LINGO2: variants seen among roughly 807,000 people sequenced by gnomAD.
The protein encoded by LINGO2 is leucine-rich repeat and immunoglobulin-like domain-containing nogo receptor-interacting protein 2.
A neutral mutation model predicts 30.6 loss-of-function variants in LINGO2; 14 were observed. That is an observed-to-expected ratio of 0.46 (90% CI 0.30 to 0.72). The LOEUF is 0.72. Among genes scored for constraint, LINGO2 ranks in the 30% least tolerant of loss-of-function variants. LINGO2 has a pLI of 0.07. For synonymous variants in LINGO2, 317 were observed against 288.5 expected (o/e 1.10, Z -1.00); for missense variants, 729 against 751.7 (o/e 0.97, Z 0.35).
chr9:29,001,395 T>C, the LINGO2 span, among the ~76,000 whole-genome samples: 1 of 152,024 alleles, frequency 6.6e-6, no homozygotes, highest in Non-Finnish European at 1.5e-5. Flanking sequence ...TTTTTAAGCA[T>C]ATGCTACTCC....
chr9:28,407,643 T>C (rs1048668156), intron 2 of LINGO2, among the ~76,000 whole-genome samples: 4 of 152,080 alleles, frequency 2.6e-5, no homozygotes. Flanking sequence ...GCAAAACAAG[T>C]GTGAAAGTAT....
At chr9:29,210,716 C>T in the LINGO2 span, among the ~76,000 whole-genome samples, 3 of 152,136 alleles carry the variant, frequency 2.0e-5, no homozygotes, top group Non-Finnish European at 4.4e-5. Context: ...AAAATATTAA[C>T]ATATATGTAC....
intron 3 of LINGO2, among the ~76,000 whole-genome samples, chr9:28,365,419 G>A (rs1386645574): frequency 6.6e-6 from 1 of 152,190 alleles, no homozygotes; most frequent in African/African-American, 2.4e-5. Context: ...CTGGATCTGT[G>A]CTGCAGAGGC....
At chr9:28,323,339 C>T (rs1309157454) in intron 3 of LINGO2, among the ~76,000 whole-genome samples, 1 of 152,142 alleles carries the variant, frequency 6.6e-6, no homozygotes, top group Non-Finnish European at 1.5e-5. Flanking sequence ...GTGGCTCACG[C>T]CTGTAATCCC....
At chr9:28,180,593 T>C (rs1174810884) in intron 4 of LINGO2, among the ~76,000 whole-genome samples, 1 of 152,164 alleles carries the variant, frequency 6.6e-6, no homozygotes, top group Non-Finnish European at 1.5e-5. Flanking sequence ...CACTTTATCC[T>C]CACTCAGGGA....
intron 2 of LINGO2, among the ~76,000 whole-genome samples, chr9:28,423,889 T>C (rs1210592036): frequency 6.6e-6 from 1 of 152,134 alleles, no homozygotes; most frequent in South Asian, 2.1e-4. Flanking sequence ...TTAAATGTGG[T>C]CTTCCAATAA....
chr9:28,147,294 C>T lies in LINGO2; in HGVS notation c.-86-134889G>A, dbSNP rs1465630062. Among the ~76,000 whole-genome samples, 2 of 152,206 alleles carry T rather than the reference C, an allele frequency of 1.3e-5. No homozygotes were observed. The highest frequency in any genetic ancestry group is 1.3e-4 in the Admixed American group (2 of 15,278). On this transcript the variant is annotated intron_variant, in intron 4 of 5. Coordinates refer to ENST00000379992, the Ensembl canonical transcript of LINGO2. The surrounding 1 kb of genome is among the most constrained non-coding windows in gnomAD (Gnocchi z 4.7). The stretch of plus-strand genomic sequence containing the variant: ...CGCACAGCCTGGGTTCAAAGCCTGG[C>T]TGGGCCATGACCACCTGAATGACCT...
chr9:27,949,499 C>T (rs1488749921), exon 6 of LINGO2: 3 of 1,614,078 alleles, frequency 1.9e-6, no homozygotes, highest in Non-Finnish European at 2.5e-6. Context: ...CCTTGAAAGA[C>T]CTCTCACGGA....
chr9:28,852,467 G>A, the LINGO2 span, among the ~76,000 whole-genome samples: 1 of 133,238 alleles, frequency 7.5e-6, no homozygotes, highest in African/African-American at 2.5e-5. Context: ...TTATGGTTCA[G>A]TTAAGAGTGG....
intron 3 of LINGO2, among the ~76,000 whole-genome samples, chr9:28,364,304 T>C (rs1385428647): frequency 6.6e-6 from 1 of 152,186 alleles, no homozygotes; most frequent in Non-Finnish European, 1.5e-5. Flanking sequence ...AGATGCTTTC[T>C]CTGTTCTGAG....
At chr9:28,607,174 A>G (rs1227806706) in intron 1 of LINGO2, among the ~76,000 whole-genome samples, 1 of 151,984 alleles carries the variant, frequency 6.6e-6, no homozygotes, top group African/African-American at 2.4e-5. Flanking sequence ...AAAACACTAA[A>G]CCTTGATTTA....
intron 4 of LINGO2, among the ~76,000 whole-genome samples, chr9:28,240,935 G>T (rs908649972): frequency 1.3e-5 from 2 of 152,082 alleles, no homozygotes; most frequent in African/African-American, 2.4e-5. Flanking sequence ...ATCCGACAAG[G>T]GATTAATAAC....
intron 1 of LINGO2, among the ~76,000 whole-genome samples, chr9:28,501,612 T>C (rs2135317211): frequency 6.6e-6 from 1 of 152,208 alleles, no homozygotes. Context: ...GACTCTCAAT[T>C]TGGGGAAGGG....
rs552732421 is a variant in LINGO2, at chr9:28,358,052, T to C, written c.-246+14784A>G. ...CATAAAAAGGGTAGATCCAGAATGA[T>C]TCATTTTTCTCTCCATCTAGACTAT... is the stretch of plus-strand genomic sequence containing the variant. On this transcript the variant is annotated intron_variant, in intron 3 of 5. Transcript: ENST00000379992. Among the ~76,000 whole-genome samples the C allele has an allele frequency of 2.1e-3, 317 of 152,256 alleles. 1 individual carries two copies. Among genetic ancestry groups the C allele is most frequent in the Middle Eastern group, 0.01 (3 of 294 alleles).
chr9:28,754,633 T>C, the LINGO2 span, among the ~76,000 whole-genome samples: 5 of 150,636 alleles, frequency 3.3e-5, no homozygotes, highest in African/African-American at 1.2e-4. Context: ...TCTGTTTCTG[T>C]CCTTTTTTTT....
At chr9:28,433,521 C>T (rs1823765924) in intron 2 of LINGO2, among the ~76,000 whole-genome samples, 1 of 152,008 alleles carries the variant, frequency 6.6e-6, no homozygotes, top group Non-Finnish European at 1.5e-5. Flanking sequence ...AGATTTAAGA[C>T]ATATTTCTGA....
intron 5 of LINGO2, among the ~76,000 whole-genome samples, chr9:28,008,879 C>A (rs1204858011): frequency 6.6e-6 from 1 of 152,108 alleles, no homozygotes; most frequent in Non-Finnish European, 1.5e-5. Context: ...ATATCAAAAT[C>A]ATGACTGCTT....
At chr9:29,047,051 AC>A in the LINGO2 span, among the ~76,000 whole-genome samples, 2 of 106,902 alleles carry the variant, frequency 1.9e-5, 1 homozygote, top group African/African-American at 6.7e-5. Context: ...AAAAAAAAAA[AC>A]CAAAAACAAA....
chr9:29,157,602 A>C, the LINGO2 span, among the ~76,000 whole-genome samples: 1 of 152,190 alleles, frequency 6.6e-6, no homozygotes, highest in Non-Finnish European at 1.5e-5. Context: ...CAGACTAAAA[A>C]AACTCTATTT....
Sources: allele counts gnomAD v4.1 joint callset (sites outside exome capture counted in the v4.1 genomes callset), GRCh38; gene constraint gnomAD v4.1.1; non-coding constraint Gnocchi (gnomAD v3.1); transcripts MANE v1.5; gene names NCBI Gene and HGNC (gene_info 2026-07-23, HGNC 2026-07-21).